SMTNL2: variants seen among roughly 807,000 people sequenced by gnomAD.
SMTNL2 encodes the protein smoothelin-like protein 2.
In SMTNL2, 43 loss-of-function variants were observed where a neutral mutation model predicts 44.1. The observed-to-expected ratio is 0.98, with a 90% CI of 0.76 to 1.26. SMTNL2 has a LOEUF of 1.26. Ranked by LOEUF, SMTNL2 falls within the 50% of genes most tolerant of loss-of-function variation. The pLI is 0.00. For missense variants in SMTNL2, 646 were observed against 670.2 expected, an observed-to-expected ratio of 0.96 and a Z score of 0.40; for synonymous variants, 317 against 287.6, an observed-to-expected ratio of 1.10 and a Z score of -1.03.
chr17:4,595,078 C>A lies in SMTNL2; in HGVS notation c.807-67C>A. 2.5e-6 allele frequency: 4 copies of A among 1,606,704 alleles called. No homozygotes were observed. The highest frequency in any genetic ancestry group is 3.4e-6 in the Non-Finnish European group (4 of 1,175,384). ...TTGTCCACACTCAGTGCAATGGAGA[C>A]CTTGGGGCCTGGTGAGCTAGTGATG... On this transcript the variant is annotated intron_variant, in intron 4 of 7. Coordinates refer to ENST00000389313, the MANE Select transcript of SMTNL2 (RefSeq NM_001114974.2). The surrounding 1 kb of genome is among the most constrained non-coding windows in gnomAD (Gnocchi z 5.1).
In SMTNL2 at chr17:4,595,026, T is replaced by C. The variant is rs1328610982; in HGVS notation, c.807-119T>C. On this transcript the variant is annotated intron_variant, in intron 4 of 7. Coordinates refer to ENST00000389313, the MANE Select transcript of SMTNL2 (RefSeq NM_001114974.2). The surrounding 1 kb of genome is among the most constrained non-coding windows in gnomAD (Gnocchi z 5.1). ...GACCGGAGCAAGGGGGCCTCTTCTCTGAGCGCCCATCACGGTGCAGGCTGC... is the reference window on the plus strand; with the variant it reads ...GACCGGAGCAAGGGGGCCTCTTCTCCGAGCGCCCATCACGGTGCAGGCTGC... 3.2e-5 allele frequency: 44 copies of C among 1,362,208 alleles called. No homozygotes were observed. The highest frequency in any genetic ancestry group is 3.8e-5 in the Non-Finnish European group (37 of 973,412). The allele number at this position is 1,362,208 out of a possible 1,614,324, so 84.4% of individuals were successfully genotyped here. A position where few individuals can be genotyped will look rare whatever the true frequency, so the allele number is the denominator to read the frequency against.
intron 1 of SMTNL2, among the ~76,000 whole-genome samples, chr17:4,588,797 CT>C (rs2042248248): frequency 6.6e-6 from 1 of 152,248 alleles, no homozygotes. Context: ...GGCCAGAGCA[CT>C]TTGTGGACAG....
chr17:4,589,474 C>T (rs1252396474), intron 1 of SMTNL2, among the ~76,000 whole-genome samples: 3 of 152,146 alleles, frequency 2.0e-5, no homozygotes, highest in African/African-American at 4.8e-5. Context: ...TAGGGGCACC[C>T]GTTCTGCTCT....
chr17:4,595,199 A>T lies in SMTNL2; in HGVS notation c.861A>T (p.Ile287=). The part of the protein sequence containing the change: ...QSPVSPQPPA[I]TQVHRQGERR... ...CCGTGTCCCCGCAGCCGCCAGCCATAACTCAGGTCCATCGGCAGGGGGAGC... is the reference window on the plus strand; with the variant it reads ...CCGTGTCCCCGCAGCCGCCAGCCATTACTCAGGTCCATCGGCAGGGGGAGC... The change falls in exon 5 of 8, where the codon ATA becomes ATT. Residue 287 remains isoleucine, a synonymous_variant. Coordinates refer to ENST00000389313, the MANE Select transcript of SMTNL2 (RefSeq NM_001114974.2). The surrounding 1 kb of genome is among the most constrained non-coding windows in gnomAD (Gnocchi z 5.1). The T allele has an allele frequency of 6.2e-7, 1 of 1,613,456 alleles. No individual in the cohort carries two copies. The highest frequency in any genetic ancestry group is 8.5e-7 in the Non-Finnish European group (1 of 1,180,008).
intron 7 of SMTNL2, among the ~76,000 whole-genome samples, chr17:4,606,582 G>A (rs1270752284): frequency 6.6e-6 from 1 of 151,922 alleles, no homozygotes; most frequent in African/African-American, 2.4e-5. Flanking sequence ...GTAACATAGT[G>A]AGACCCCATC....
upstream of SMTNL2, chr17:4,584,513 C>G (rs542648957): frequency 1.2e-4 from 147 of 1,196,212 alleles, no homozygotes; most frequent in African/African-American, 2.2e-3. Context: ...TCGAGCGAAG[C>G]CAGCCACGGA....
At chr17:4,605,457 G>A (rs942428062) in intron 7 of SMTNL2, among the ~76,000 whole-genome samples, 8 of 152,020 alleles carry the variant, frequency 5.3e-5, no homozygotes, top group African/African-American at 9.7e-5. Context: ...CACTGTGCCC[G>A]GCCTCATCTT....
intron 7 of SMTNL2, among the ~76,000 whole-genome samples, chr17:4,604,704 G>A (rs972580579): frequency 8.5e-5 from 13 of 152,114 alleles, no homozygotes; most frequent in Admixed American, 5.2e-4. Flanking sequence ...ACAGAGTCTC[G>A]CTCTGTCAGC....
chr17:4,604,990 A>G (rs912136983), intron 7 of SMTNL2, among the ~76,000 whole-genome samples: 3 of 151,434 alleles, frequency 2.0e-5, no homozygotes, highest in African/African-American at 4.9e-5. Flanking sequence ...ATTTTGTGCT[A>G]AGGAAATGGG....
At chr17:4,591,854 A>C (rs34969859) in intron 1 of SMTNL2, among the ~76,000 whole-genome samples, 1 of 152,216 alleles carries the variant, frequency 6.6e-6, no homozygotes, top group African/African-American at 2.4e-5. Context: ...TGCACTCTGC[A>C]TAGCCGGGTA....
At chr17:4,603,923 C>T (rs1320032917) in intron 7 of SMTNL2, among the ~76,000 whole-genome samples, 1 of 152,152 alleles carries the variant, frequency 6.6e-6, no homozygotes, top group Non-Finnish European at 1.5e-5. Flanking sequence ...TGGCTCACTG[C>T]AACCTCCGCC....
At chr17:4,585,122 C>G (rs1403008911) in intron 1 of SMTNL2, 118 bp downstream of exon 1, 4 of 1,164,172 alleles carry the variant, frequency 3.4e-6, no homozygotes, top group Non-Finnish European at 4.3e-6. Flanking sequence ...CCTTCACCGG[C>G]CGCTCGGACT....
rs528731373 is a variant in SMTNL2, at chr17:4,598,670, A to G, written c.1259+1347A>G. Among the ~76,000 whole-genome samples, 1 of 152,154 alleles carries G rather than the reference A, an allele frequency of 6.6e-6. No homozygotes were observed. The highest frequency in any genetic ancestry group is 1.9e-4 in the East Asian group (1 of 5,176). On this transcript the variant is annotated intron_variant, in intron 7 of 7. Coordinates refer to ENST00000389313, the MANE Select transcript of SMTNL2 (RefSeq NM_001114974.2). This position sits in a 1 kb window ranked among gnomAD's most constrained non-coding sequence, Gnocchi z 4.8. ...GAAACCCTGTCTCTACTAAAATACA[A>G]AAAATTAGCCAGGCATGGTGGCAGG...
chr17:4,605,648 A>G (rs986386519), intron 7 of SMTNL2, among the ~76,000 whole-genome samples: 2 of 152,106 alleles, frequency 1.3e-5, no homozygotes, highest in East Asian at 1.9e-4. Context: ...TGGGATTTCA[A>G]CCCTGACAGC....
chr17:4,589,816 C>G (rs1567631986), intron 1 of SMTNL2, among the ~76,000 whole-genome samples: 1 of 151,998 alleles, frequency 6.6e-6, no homozygotes, highest in African/African-American at 2.4e-5. Context: ...CCCCAACCCC[C>G]TGTCCCCCGC....
chr17:4,599,810 C>T (rs1424143273), intron 7 of SMTNL2, among the ~76,000 whole-genome samples: 1 of 152,214 alleles, frequency 6.6e-6, no homozygotes, highest in Non-Finnish European at 1.5e-5. Flanking sequence ...TTCTTCTATT[C>T]CCAGCTTGGT....
chr17:4,607,148 G>A lies in SMTNL2; in HGVS notation c.1260-213G>A, dbSNP rs1056635225. Among the ~76,000 whole-genome samples the A allele has an allele frequency of 6.6e-6, 1 of 152,120 alleles. No homozygotes were observed. The highest frequency in any genetic ancestry group is 6.5e-5 in the Admixed American group (1 of 15,282). ...AAATGAAAACATGAATTGTACAGGT[G>A]GCTCATAAATCTGGGAGTTTGGGAA... On this transcript the variant is annotated intron_variant, in intron 7 of 7. Coordinates refer to ENST00000389313, the MANE Select transcript of SMTNL2 (RefSeq NM_001114974.2). The surrounding 1 kb of genome is among the most constrained non-coding windows in gnomAD (Gnocchi z 4.7).
chr17:4,597,042 C>A, intron 6 of SMTNL2, 65 bp downstream of exon 6: 1 of 1,487,210 alleles, frequency 6.7e-7, no homozygotes, highest in Non-Finnish European at 9.0e-7. Flanking sequence ...AGCGTCGCCC[C>A]TGTCCTTGTT....
chr17:4,592,303 T>TTG lies in SMTNL2; in HGVS notation c.400-58_400-57insTG. 1 of 1,155,146 alleles carries TTG rather than the reference T, an allele frequency of 8.7e-7. No homozygotes were observed. The allele number at this position is 1,155,146 out of a possible 1,614,324, so 71.6% of individuals were successfully genotyped here. A position where few individuals can be genotyped will look rare whatever the true frequency, so the allele number is the denominator to read the frequency against. On this transcript the variant is annotated intron_variant, in intron 1 of 7. Coordinates refer to ENST00000389313, the MANE Select transcript of SMTNL2 (RefSeq NM_001114974.2). This position sits in a 1 kb window ranked among gnomAD's most constrained non-coding sequence, Gnocchi z 4.5. ...AGGGGATTTGGGGGTGGGCAGCTTT[T>TTG]GGGGGTGGGCAGCTGGCCCTAGCTG...
Sources: allele counts gnomAD v4.1 joint callset (sites outside exome capture counted in the v4.1 genomes callset), GRCh38; gene constraint gnomAD v4.1.1; non-coding constraint Gnocchi (gnomAD v3.1); transcripts MANE v1.5; gene names NCBI Gene and HGNC (gene_info 2026-07-23, HGNC 2026-07-21).